The following PEX5L variants were observed in gnomAD, a reference collection of about 807,000 sequenced individuals.
PEX5L encodes the protein PEX5-related protein.
In PEX5L, 30 loss-of-function variants were observed where a neutral mutation model predicts 84.0. The observed-to-expected ratio is 0.36, with a 90% confidence interval of 0.27 to 0.48. The LOEUF (loss-of-function observed/expected upper bound fraction) is 0.48. Among genes scored for constraint, PEX5L ranks in the 20% least tolerant of loss-of-function variants. The pLI, the probability that PEX5L is intolerant of heterozygous loss-of-function variation, is 0.99. For synonymous variants in PEX5L, 270 were observed against 283.1 expected (o/e 0.95, Z 0.46); for missense variants, 533 against 754.6 (o/e 0.71, Z 3.44).
At chr3:179,819,839 T>C in intron 9 of PEX5L, 21 bp downstream of exon 9, 6 of 1,609,758 alleles carry the variant, frequency 3.7e-6, no homozygotes, top group Non-Finnish European at 5.1e-6. Context: ...AGTCAGCATG[T>C]ATAGGAACAG....
At chr3:179,950,261 A>G (rs971812289) in intron 2 of PEX5L, among the ~76,000 whole-genome samples, 1 of 152,000 alleles carries the variant, frequency 6.6e-6, no homozygotes, top group African/African-American at 2.4e-5. Flanking sequence ...TTTCAAGGAC[A>G]AAAAAACAAA....
chr3:179,823,041 C>T (rs1300586323), intron 8 of PEX5L, among the ~76,000 whole-genome samples: 1 of 151,996 alleles, frequency 6.6e-6, no homozygotes, highest in African/African-American at 2.4e-5. Context: ...AAAATGCATC[C>T]GTGGCATAAA....
intron 7 of PEX5L, among the ~76,000 whole-genome samples, chr3:179,860,100 C>T (rs1745482198): frequency 6.7e-6 from 1 of 149,804 alleles, no homozygotes; most frequent in Non-Finnish European, 1.5e-5. Context: ...AACAATTTAC[C>T]TTGGAGAGTT....
At chr3:180,019,681 A>T (rs144069245) in intron 1 of PEX5L, among the ~76,000 whole-genome samples, 4,015 of 152,302 alleles carry the variant, frequency 0.026, 92 homozygotes, top group Non-Finnish European at 0.041. Context: ...GACTGAGGAA[A>T]TCAGAGAGAT....
At chr3:179,847,241 T>C (rs1739842153) in intron 8 of PEX5L, among the ~76,000 whole-genome samples, 1 of 152,080 alleles carries the variant, frequency 6.6e-6, no homozygotes, top group South Asian at 2.1e-4. Flanking sequence ...TATCTGTATA[T>C]TGATTGATAT....
intron 3 of PEX5L, among the ~76,000 whole-genome samples, chr3:179,890,924 G>A (rs995736112): frequency 6.6e-6 from 1 of 151,486 alleles, no homozygotes; most frequent in Non-Finnish European, 1.5e-5. Context: ...TTCAATGAGA[G>A]CCCTGTCCTT....
intron 8 of PEX5L, among the ~76,000 whole-genome samples, chr3:179,825,718 A>C (rs57957469): frequency 0.017 from 2,525 of 152,262 alleles, 86 homozygotes; most frequent in African/African-American, 0.058. Context: ...TTGTCACGTG[A>C]CCTTATGCAA....
At chr3:179,981,837 G>T (rs994163776) in intron 1 of PEX5L, among the ~76,000 whole-genome samples, 2 of 151,832 alleles carry the variant, frequency 1.3e-5, no homozygotes. Flanking sequence ...TGTTTAAAAA[G>T]ATACAATGTG....
Position 179,807,919 on chromosome 3 carries a change from G to A in PEX5L, c.1519-88C>T, listed in dbSNP as rs906573248. 1.3e-5 allele frequency: 16 copies of A among 1,266,534 alleles called. No homozygotes were observed. The Admixed American group carries it at 2.2e-4, about 18-fold the overall frequency. The allele number at this position is 1,266,534 out of a possible 1,614,324, so 78.5% of individuals were successfully genotyped here. On this transcript the variant is annotated intron_variant, in intron 13 of 14. Coordinates refer to ENST00000467460, the MANE Select transcript of PEX5L (RefSeq NM_016559.3). ...TATTTCTCTGCAGAGAAAGGAAGAT[G>A]GCTAAAAATTTATGCAGTGCTCATG...
At chr3:179,953,237 C>A (rs1321590609) in intron 2 of PEX5L, among the ~76,000 whole-genome samples, 4 of 152,138 alleles carry the variant, frequency 2.6e-5, no homozygotes, top group Non-Finnish European at 5.9e-5. Context: ...GCAACAAAAG[C>A]CACAATTGAC....
At chr3:179,906,990 G>A (rs1763448059) in intron 2 of PEX5L, among the ~76,000 whole-genome samples, 1 of 152,092 alleles carries the variant, frequency 6.6e-6, no homozygotes, top group African/African-American at 2.4e-5. Flanking sequence ...AAGGAAGTAG[G>A]GAAAGAGGTC....
intron 1 of PEX5L, among the ~76,000 whole-genome samples, chr3:180,000,979 T>C (rs1046338891): frequency 6.6e-6 from 1 of 152,136 alleles, no homozygotes; most frequent in African/African-American, 2.4e-5. Context: ...TGCAAAGTAT[T>C]GATCCTGGGT....
intron 8 of PEX5L, among the ~76,000 whole-genome samples, chr3:179,850,616 G>C (rs988141820): frequency 6.6e-6 from 1 of 152,138 alleles, no homozygotes; most frequent in African/African-American, 2.4e-5. Flanking sequence ...CACAACATAT[G>C]ATTTATCTAC....
intron 3 of PEX5L, among the ~76,000 whole-genome samples, chr3:179,890,606 T>C (rs573165971): frequency 2.0e-5 from 3 of 152,210 alleles, no homozygotes; most frequent in African/African-American, 4.8e-5. Flanking sequence ...TAGGTAAGTA[T>C]GAGCTATATT....
chr3:180,010,224 C>T (rs534747155), intron 1 of PEX5L, among the ~76,000 whole-genome samples: 28 of 145,044 alleles, frequency 1.9e-4, no homozygotes, highest in Non-Finnish European at 2.8e-4. Context: ...GGATTACAGG[C>T]GTGAGCCACT....
At chr3:179,904,058 G>A (rs1386708024) in intron 2 of PEX5L, among the ~76,000 whole-genome samples, 1 of 152,182 alleles carries the variant, frequency 6.6e-6, no homozygotes, top group African/African-American at 2.4e-5. Context: ...GTTTGCAGCT[G>A]GAAAATGTGA....
At chr3:179,943,440 T>A (rs1477813514) in intron 2 of PEX5L, among the ~76,000 whole-genome samples, 1 of 152,268 alleles carries the variant, frequency 6.6e-6, no homozygotes, top group Admixed American at 6.5e-5. Context: ...AAACTGGCTT[T>A]TAATTCATTT....
chr3:179,817,881 C>T (rs1189942120), intron 9 of PEX5L, among the ~76,000 whole-genome samples: 8 of 152,140 alleles, frequency 5.3e-5, no homozygotes, highest in Admixed American at 6.6e-5. Context: ...CTCAGGCAGA[C>T]CTCGGGGGCA....
At chr3:179,954,349 T>G (rs1355696832) in intron 2 of PEX5L, among the ~76,000 whole-genome samples, 2 of 151,070 alleles carry the variant, frequency 1.3e-5, no homozygotes, top group Non-Finnish European at 2.9e-5. Context: ...CATATTTGTG[T>G]GCAAACTAGG....
Sources: allele counts gnomAD v4.1 joint callset (sites outside exome capture counted in the v4.1 genomes callset), GRCh38; gene constraint gnomAD v4.1.1; transcripts MANE v1.5; gene names NCBI Gene and HGNC (gene_info 2026-07-23, HGNC 2026-07-21).